PYDC5: variants seen among roughly 807,000 people sequenced by gnomAD.
PYDC5 encodes pyrin domain-containing protein 5.
the PYDC5 span, among the ~76,000 whole-genome samples, chr1:159,002,550 A>ACTGT: frequency 0.044 from 6,720 of 152,270 alleles, 392 homozygotes; most frequent in East Asian, 0.26. Flanking sequence ...CGATACCGTT[A>ACTGT]CTATTACCTC....
chr1:159,001,361 G>T, the PYDC5 span, among the ~76,000 whole-genome samples: 1 of 152,190 alleles, frequency 6.6e-6, no homozygotes, highest in African/African-American at 2.4e-5. Flanking sequence ...GTGACTTTTA[G>T]GGGAGGCTCC....
At chr1:159,002,174 A>G in the PYDC5 span, among the ~76,000 whole-genome samples, 1 of 152,172 alleles carries the variant, frequency 6.6e-6, no homozygotes, top group Non-Finnish European at 1.5e-5. Flanking sequence ...AGGTGGCATG[A>G]GTTACCTGGA....
chr1:159,001,357 T>G, the PYDC5 span, among the ~76,000 whole-genome samples: 1 of 152,176 alleles, frequency 6.6e-6, no homozygotes. Flanking sequence ...AACTGTGACT[T>G]TTAGGGGAGG....
chr1:159,002,027 A>G, the PYDC5 span, among the ~76,000 whole-genome samples: 1 of 152,202 alleles, frequency 6.6e-6, no homozygotes, highest in Non-Finnish European at 1.5e-5. Flanking sequence ...AAAGAAAAGA[A>G]AATGTTGAGG....
At chr1:159,001,860 T>C in the PYDC5 span, among the ~76,000 whole-genome samples, 7 of 152,216 alleles carry the variant, frequency 4.6e-5, no homozygotes. Flanking sequence ...GTAAAATGTA[T>C]ACCCAAAGAA....
chr1:159,001,286 C>T, the PYDC5 span, among the ~76,000 whole-genome samples: 1 of 152,104 alleles, frequency 6.6e-6, no homozygotes, highest in African/African-American at 2.4e-5. Flanking sequence ...AAAGTAGCAA[C>T]CTATATGGTA....
At chr1:159,002,700 T>C in the PYDC5 span, among the ~76,000 whole-genome samples, 73,081 of 152,152 alleles carry the variant, frequency 0.48, 18,372 homozygotes, top group Admixed American at 0.62. Flanking sequence ...TGCCTTGTGG[T>C]CAAGCATTTG....
chr1:159,001,191 A>G, the PYDC5 span, among the ~76,000 whole-genome samples: 1 of 152,264 alleles, frequency 6.6e-6, no homozygotes, highest in Non-Finnish European at 1.5e-5. Flanking sequence ...AATGGACAAT[A>G]GGTATGAATA....
chr1:159,002,171 A>G, the PYDC5 span, among the ~76,000 whole-genome samples: 2 of 152,212 alleles, frequency 1.3e-5, no homozygotes, highest in Non-Finnish European at 2.9e-5. Flanking sequence ...ATTAGGTGGC[A>G]TGAGTTACCT....
the PYDC5 span, among the ~76,000 whole-genome samples, chr1:159,000,585 C>G: frequency 6.6e-6 from 1 of 152,130 alleles, no homozygotes; most frequent in African/African-American, 2.4e-5. Context: ...ATTTTTAAAA[C>G]AGAGTTATTC....
chr1:159,002,221 A>C, the PYDC5 span, among the ~76,000 whole-genome samples: 1 of 152,180 alleles, frequency 6.6e-6, no homozygotes, highest in Non-Finnish European at 1.5e-5. Context: ...ATATTACTGA[A>C]TTCAAGTCTT....
chr1:159,001,909 G>T, the PYDC5 span, among the ~76,000 whole-genome samples: 1 of 152,196 alleles, frequency 6.6e-6, no homozygotes, highest in South Asian at 2.1e-4. Flanking sequence ...TGTCCCAGGG[G>T]TGTACACACT....
chr1:159,000,390 A>G, the PYDC5 span: 1 of 179,444 alleles, frequency 5.6e-6, no homozygotes, highest in South Asian at 1.4e-4. Flanking sequence ...TTCAAAATGA[A>G]GCAAGGTGAG....
chr1:159,000,249 G>A, the PYDC5 span: 1 of 259,080 alleles, frequency 3.9e-6, no homozygotes, highest in Non-Finnish European at 8.2e-6. Flanking sequence ...AACCTATCCA[G>A]TTCCTCATCG....
At chr1:159,000,369 G>A in the PYDC5 span, 22 of 199,234 alleles carry the variant, frequency 1.1e-4, no homozygotes, top group Non-Finnish European at 1.5e-4. Context: ...ACCACCAAAA[G>A]TGATTCAACA....
At chr1:159,000,418 A>G in the PYDC5 span, 1 of 160,870 alleles carries the variant, frequency 6.2e-6, no homozygotes, top group Non-Finnish European at 1.4e-5. Context: ...TATTTTTTAA[A>G]GGGAAAATAA....
the PYDC5 span, among the ~76,000 whole-genome samples, chr1:159,001,387 T>C: frequency 6.6e-6 from 1 of 152,226 alleles, no homozygotes; most frequent in Non-Finnish European, 1.5e-5. Flanking sequence ...ATAGAGACAA[T>C]GTTAATGAAT....
chr1:159,002,542 A>C, the PYDC5 span, among the ~76,000 whole-genome samples: 21 of 150,624 alleles, frequency 1.4e-4, no homozygotes, highest in South Asian at 4.7e-3. Flanking sequence ...AAATAGCACG[A>C]TACCGTTACT....
chr1:159,002,318 A>G, the PYDC5 span, among the ~76,000 whole-genome samples: 1 of 152,172 alleles, frequency 6.6e-6, no homozygotes, highest in Admixed American at 6.5e-5. Flanking sequence ...TAAAAAAATT[A>G]AAAAAGAAAG....
Sources: gnomAD v4.1 joint callset for allele counts (sites outside exome capture counted in the v4.1 genomes callset) on GRCh38, gnomAD v4.1.1 for gene constraint, MANE v1.5 for transcripts, NCBI Gene and HGNC (gene_info 2026-07-23, HGNC 2026-07-21) for gene names.